MARCHF1: variants seen among roughly 807,000 people sequenced by gnomAD.
MARCHF1 encodes E3 ubiquitin-protein ligase MARCHF1.
Under a neutral mutation model 54.2 loss-of-function variants are expected in MARCHF1, and 40 were observed. The observed-to-expected ratio is 0.74, with a 90% CI of 0.57 to 0.96. The LOEUF (loss-of-function observed/expected upper bound fraction) is 0.96, where lower values mean the gene tolerates loss of function less well. MARCHF1 is among the 40% of genes least tolerant of loss of function. The probability of loss-of-function intolerance (pLI) is 0.00; values close to 1 mark genes in which losing one functional copy is unlikely to be tolerated. For missense variants in MARCHF1, 586 were observed against 656.5 expected (o/e 0.89, Z 1.17); for synonymous variants, 236 against 236.3 (o/e 1.00, Z 0.01).
chr4:163,734,613 T>C (rs1309527778), intron 4 of MARCHF1, among the ~76,000 whole-genome samples: 3 of 151,752 alleles, frequency 2.0e-5, no homozygotes. Flanking sequence ...GGTCAAATTC[T>C]AGAACAGTCA....
rs548027636 is a variant in MARCHF1, at chr4:163,611,669, T to C, written c.1010+602A>G. ...AACGCTGCCACATAGCTAGAAAATA[T>C]CCACATGTTGAAACCTTTCGGTATA... On this transcript the variant is annotated intron_variant, in intron 7 of 9. Transcript: ENST00000514618. 1.6e-3 allele frequency among the ~76,000 whole-genome samples: 245 copies of C among 152,198 alleles called. 2 individuals are homozygous for C. The highest frequency in any genetic ancestry group is 5.7e-3 in the African/African-American group (238 of 41,550).
chr4:163,881,476 G>GA (rs58279371), intron 3 of MARCHF1, among the ~76,000 whole-genome samples: 24 of 147,716 alleles, frequency 1.6e-4, no homozygotes, highest in East Asian at 6.0e-4. Flanking sequence ...CATCTCAAAA[G>GA]AAAAAAAAAA....
chr4:163,797,787 A>G (rs910108967), intron 4 of MARCHF1, among the ~76,000 whole-genome samples: 1 of 152,036 alleles, frequency 6.6e-6, no homozygotes, highest in East Asian at 1.9e-4. Flanking sequence ...TATACTTTCT[A>G]TAATATATTA....
At chr4:164,334,691 T>A (rs184760181) in intron 1 of MARCHF1, among the ~76,000 whole-genome samples, 1 of 152,354 alleles carries the variant, frequency 6.6e-6, no homozygotes, top group Admixed American at 6.5e-5. Context: ...CAAGTCTTAT[T>A]ATTTAAAAAA....
intron 3 of MARCHF1, among the ~76,000 whole-genome samples, chr4:163,918,430 G>T (rs72685691): frequency 0.11 from 16,187 of 152,098 alleles, 912 homozygotes; most frequent in Non-Finnish European, 0.13. Flanking sequence ...GTTAGGGAGA[G>T]AAATATATGG....
rs189642786 is a variant in MARCHF1 at position 163,817,814 on chromosome 4, A to G, written c.111+36207T>C. ...GGATGAGTTCATGTCCTTTGTAGGG[A>G]TATGGATGAAATTGGAAATCATCAT... On this transcript the variant is annotated intron_variant, in intron 4 of 9. Coordinates refer to ENST00000514618, the MANE Select transcript of MARCHF1 (RefSeq NM_001394959.1). Among the ~76,000 whole-genome samples the G allele has an allele frequency of 6.2e-3, 937 of 151,982 alleles. 5 individuals carry two copies. The highest frequency in any genetic ancestry group is 0.015 in the South Asian group (70 of 4,808).
At chr4:163,595,563 A>G (rs1579095442) in intron 7 of MARCHF1, among the ~76,000 whole-genome samples, 1 of 152,312 alleles carries the variant, frequency 6.6e-6, no homozygotes, top group East Asian at 1.9e-4. Flanking sequence ...TCAGCCTTAA[A>G]TAAAGAAGGA....
intron 1 of MARCHF1, among the ~76,000 whole-genome samples, chr4:164,114,428 A>T (rs1372947160): frequency 6.6e-6 from 1 of 151,828 alleles, no homozygotes; most frequent in East Asian, 1.9e-4. Flanking sequence ...CACAATTAGC[A>T]TTTACCCATT....
At chr4:163,929,973 A>C (rs62350605) in intron 3 of MARCHF1, among the ~76,000 whole-genome samples, 2 of 125,380 alleles carry the variant, frequency 1.6e-5, no homozygotes, top group East Asian at 4.2e-4. Flanking sequence ...AATATATATA[A>C]TATATATAAT....
intron 5 of MARCHF1, among the ~76,000 whole-genome samples, chr4:163,679,605 T>G (rs1399142002): frequency 6.7e-6 from 1 of 149,454 alleles, no homozygotes; most frequent in African/African-American, 2.5e-5. Context: ...ATCTCATATT[T>G]ATCTCCAATT....
intron 1 of MARCHF1, among the ~76,000 whole-genome samples, chr4:164,249,780 T>C (rs1394891490): frequency 3.5e-5 from 5 of 144,878 alleles, no homozygotes; most frequent in Admixed American, 6.9e-5. Context: ...AAAAAAAAAG[T>C]CTTATGAGAG....
intron 2 of MARCHF1, among the ~76,000 whole-genome samples, chr4:164,080,648 TTGTG>T (rs199734198): frequency 6.0e-5 from 9 of 150,008 alleles, no homozygotes; most frequent in East Asian, 2.0e-4. Flanking sequence ...TAGTATTCTA[TTGTG>T]TGTGTGTGTG....
intron 1 of MARCHF1, among the ~76,000 whole-genome samples, chr4:164,198,147 A>G (rs751182931): frequency 3.3e-5 from 5 of 152,224 alleles, no homozygotes; most frequent in Non-Finnish European, 5.9e-5. Flanking sequence ...AACACAATGA[A>G]CCATGAAAGA....
rs549108967 is a variant in MARCHF1 at position 164,363,117 on chromosome 4, A to G, written c.-323+20753T>C. 1.6e-4 allele frequency among the ~76,000 whole-genome samples: 25 copies of G among 152,238 alleles called. No homozygotes were observed. In the East Asian group the frequency reaches 4.4e-3, roughly 27 times the overall value. The stretch of plus-strand genomic sequence containing the variant: ...GTTCTATTCTGTTTCAAAGTTAAAC[A>G]CGGCAGACTTTTATAGAATCAATAA... On this transcript the variant is annotated intron_variant, in intron 1 of 9. Transcript: ENST00000514618.
chr4:164,221,257 G>C (rs1212547095), intron 1 of MARCHF1, among the ~76,000 whole-genome samples: 1 of 152,038 alleles, frequency 6.6e-6, no homozygotes, highest in East Asian at 1.9e-4. Context: ...ATAAGTTAAA[G>C]CAAACATTAT....
At chr4:164,063,615 A>C (rs1754666331) in intron 2 of MARCHF1, among the ~76,000 whole-genome samples, 1 of 152,196 alleles carries the variant, frequency 6.6e-6, no homozygotes, top group Admixed American at 6.5e-5. Context: ...ATCTACCCCT[A>C]TGAAGTGGGC....
intron 1 of MARCHF1, among the ~76,000 whole-genome samples, chr4:164,293,654 T>G (rs536061521): frequency 3.3e-5 from 5 of 152,216 alleles, no homozygotes; most frequent in African/African-American, 4.8e-5. Context: ...AAATTTAGAT[T>G]TTTTTCTGAT....
intron 1 of MARCHF1, among the ~76,000 whole-genome samples, chr4:164,279,948 A>G (rs1053468798): frequency 6.6e-6 from 1 of 151,838 alleles, no homozygotes; most frequent in African/African-American, 2.4e-5. Context: ...CTAAGTATGT[A>G]TTATTCTGGA....
chr4:163,647,473 G>A, intron 5 of MARCHF1, among the ~76,000 whole-genome samples: 1 of 151,886 alleles, frequency 6.6e-6, no homozygotes, highest in African/African-American at 2.4e-5. Flanking sequence ...TTCTTTTCAA[G>A]CACACACCAA....
Sources: gnomAD v4.1 joint callset for allele counts (sites outside exome capture counted in the v4.1 genomes callset) on GRCh38, gnomAD v4.1.1 for gene constraint, MANE v1.5 for transcripts, NCBI Gene and HGNC (gene_info 2026-07-23, HGNC 2026-07-21) for gene names.